The following NTN1 variants were observed in gnomAD, a reference collection of about 807,000 sequenced individuals.
NTN1 encodes the protein netrin-1.
In NTN1, 11 loss-of-function variants were observed where a neutral mutation model predicts 54.2. That is an observed-to-expected ratio of 0.20 (90% CI 0.13 to 0.34). The LOEUF (loss-of-function observed/expected upper bound fraction) is 0.34. Ranked by LOEUF, NTN1 falls within the 10% of genes least tolerant of loss-of-function variation. The pLI is 1.00. For synonymous variants in NTN1, 371 were observed against 382.0 expected (o/e 0.97, Z 0.33); for missense variants, 740 against 893.1 (o/e 0.83, Z 2.18).
At position 9,135,508 on chromosome 17, in the gene NTN1, C is replaced by T. The variant is rs907890816; in HGVS notation, c.1019-27305C>T. ...CTGTCGGGGTCAACCACTTAGTCCT[C>T]TTGACCATGAGACTCTCCTAAGTTC... is the stretch of plus-strand genomic sequence containing the variant. On this transcript the variant is annotated intron_variant, in intron 2 of 6. Coordinates refer to ENST00000173229, the MANE Select transcript of NTN1 (RefSeq NM_004822.3). This position sits in a 1 kb window ranked among gnomAD's most constrained non-coding sequence, Gnocchi z 4.4. 1.3e-5 allele frequency among the ~76,000 whole-genome samples: 2 copies of T among 152,222 alleles called. No homozygotes were observed. Among genetic ancestry groups the T allele is most frequent in the Non-Finnish European group, 2.9e-5 (2 of 68,038 alleles).
intron 5 of NTN1, among the ~76,000 whole-genome samples, chr17:9,191,352 C>G (rs777250434): frequency 6.6e-6 from 1 of 152,064 alleles, no homozygotes; most frequent in Non-Finnish European, 1.5e-5. Flanking sequence ...CCCAGTTACT[C>G]TGGAGGCTGA....
chr17:9,132,336 C>T (rs966417138), intron 2 of NTN1, among the ~76,000 whole-genome samples: 1 of 152,206 alleles, frequency 6.6e-6, no homozygotes, highest in Non-Finnish European at 1.5e-5. Flanking sequence ...GGAATGTCCT[C>T]ACTCCTGACA....
intron 3 of NTN1, 31 bp downstream of exon 3, chr17:9,163,032 G>C: frequency 1.9e-6 from 3 of 1,554,476 alleles, no homozygotes; most frequent in Non-Finnish European, 2.6e-6. Context: ...CGGGGGGCTG[G>C]GGAGACCCGG....
intron 2 of NTN1, among the ~76,000 whole-genome samples, chr17:9,049,339 AAGATGC>A (rs2142197301): frequency 6.6e-6 from 1 of 152,276 alleles, no homozygotes; most frequent in South Asian, 2.1e-4. Context: ...AAGAAACCTA[AAGATGC>A]CACCTGAACC....
intron 5 of NTN1, among the ~76,000 whole-genome samples, chr17:9,192,963 C>T (rs1281602574): frequency 6.6e-6 from 1 of 151,768 alleles, no homozygotes; most frequent in Non-Finnish European, 1.5e-5. Context: ...GCCTGTAGTC[C>T]CAGCTACGCA....
At position 9,188,487 on chromosome 17, in the gene NTN1, AAAC is replaced by A. The variant is rs570768122; in HGVS notation, c.1411+5521_1411+5523del. On this transcript the variant is annotated intron_variant, in intron 5 of 6. Transcript: ENST00000173229. ...ATATTTTGCCACAATTAAAAAATAA[AAAC>A]AAAAAAGTCAAGTGCTTTGGGTCAG... Among the ~76,000 whole-genome samples, 765 of 150,742 alleles carry A rather than the reference AAAC, an allele frequency of 5.1e-3. 15 individuals carry two copies. The highest frequency in any genetic ancestry group is 0.014 in the African/African-American group (591 of 40,908).
chr17:9,081,654 C>G (rs2092071666), intron 2 of NTN1, among the ~76,000 whole-genome samples: 1 of 152,178 alleles, frequency 6.6e-6, no homozygotes, highest in African/African-American at 2.4e-5. Flanking sequence ...GAGCTCTGGC[C>G]TCAGGTGGGC....
At position 9,223,556 on chromosome 17, in the gene NTN1, C is replaced by CAAAAAAAAAA. The variant is rs369166076; in HGVS notation, c.1486+2322_1486+2323insAAAAAAAAAA. On this transcript the variant is annotated intron_variant, in intron 6 of 6. Coordinates refer to ENST00000173229, the MANE Select transcript of NTN1 (RefSeq NM_004822.3). ...TGGGCGACAGAGTGAGACTCTGTCT[C>CAAAAAAAAAA]AAAAAAAAGAAAGAAAGGAGCTCAT... is the stretch of plus-strand genomic sequence containing the variant. Among the ~76,000 whole-genome samples, 172 of 149,146 alleles carry CAAAAAAAAAA rather than the reference C, an allele frequency of 1.2e-3. 1 individual carries two copies. Among genetic ancestry groups the CAAAAAAAAAA allele is most frequent in the African/African-American group, 2.3e-3 (95 of 40,434 alleles).
In NTN1 at chr17:9,211,180, C is replaced by T. The variant is rs978848036; in HGVS notation, c.1412-9988C>T. On this transcript the variant is annotated intron_variant, in intron 5 of 6. Transcript: ENST00000173229. The surrounding 1 kb of genome is among the most constrained non-coding windows in gnomAD (Gnocchi z 4.4). The stretch of plus-strand genomic sequence containing the variant: ...TAAGCCTCATCTCTGGCTGTGCAAA[C>T]CCCAGCTTTTGCCAGCTCCAGTCTC... 5.9e-5 allele frequency among the ~76,000 whole-genome samples: 9 copies of T among 152,130 alleles called. No homozygotes were observed. Among genetic ancestry groups the T allele is most frequent in the African/African-American group, 2.2e-4 (9 of 41,420 alleles).
the NTN1 span, among the ~76,000 whole-genome samples, chr17:9,004,170 C>T: frequency 6.6e-6 from 1 of 152,230 alleles, no homozygotes; most frequent in Admixed American, 6.5e-5. Flanking sequence ...CGGGAGCGTC[C>T]GTCCAAAACC....
chr17:9,047,001 C>T (rs567349135), intron 2 of NTN1, among the ~76,000 whole-genome samples: 24 of 152,256 alleles, frequency 1.6e-4, no homozygotes, highest in South Asian at 4.1e-4. Flanking sequence ...GTTATGTTTA[C>T]GCTATACTGT....
intron 2 of NTN1, among the ~76,000 whole-genome samples, chr17:9,047,133 T>G (rs2091943715): frequency 1.3e-5 from 2 of 152,222 alleles, no homozygotes; most frequent in Admixed American, 6.5e-5. Context: ...ATCTTGTCAC[T>G]GTTGGAGGGC....
the NTN1 span, among the ~76,000 whole-genome samples, chr17:9,008,236 G>T: frequency 7.3e-4 from 111 of 152,154 alleles, no homozygotes; most frequent in African/African-American, 2.3e-3. Context: ...TGTTTGCCCT[G>T]TAGTAAGCTT....
chr17:9,145,111 C>G (rs950167282), intron 2 of NTN1, among the ~76,000 whole-genome samples: 1 of 152,208 alleles, frequency 6.6e-6, no homozygotes, highest in Non-Finnish European at 1.5e-5. Flanking sequence ...GGGAAATTTA[C>G]TGCACAATAA....
chr17:9,028,957 A>C (rs535179207), intron 2 of NTN1, among the ~76,000 whole-genome samples: 1 of 151,900 alleles, frequency 6.6e-6, no homozygotes, highest in Non-Finnish European at 1.5e-5. Flanking sequence ...TCCTTTCAGA[A>C]GGTGTTAATC....
intron 5 of NTN1, among the ~76,000 whole-genome samples, chr17:9,217,997 T>G (rs879822894): frequency 3.9e-5 from 6 of 152,136 alleles, no homozygotes; most frequent in Admixed American, 3.3e-4. Flanking sequence ...GGATCTTTCC[T>G]CTGCCACACT....
upstream of NTN1, among the ~76,000 whole-genome samples, chr17:9,020,291 C>T (rs1234083302): frequency 6.6e-6 from 1 of 152,258 alleles, no homozygotes; most frequent in Non-Finnish European, 1.5e-5. Context: ...AACAAATAAA[C>T]GAGCAGAGAT....
chr17:9,179,207 C>T (rs1196091299), intron 3 of NTN1: 1 of 152,278 alleles, frequency 6.6e-6, no homozygotes, highest in African/African-American at 2.4e-5. Context: ...TCTAGTGCTA[C>T]AGTTTATGGG....
the NTN1 span, among the ~76,000 whole-genome samples, chr17:9,007,610 CTTCT>C: frequency 1.5e-5 from 2 of 130,980 alleles, no homozygotes; most frequent in Admixed American, 8.7e-5. Flanking sequence ...TCCTTCCTTC[CTTCT>C]CCTTCCTTCC....
Sources: gnomAD v4.1 joint callset for allele counts (sites outside exome capture counted in the v4.1 genomes callset) on GRCh38, gnomAD v4.1.1 for gene constraint, Gnocchi (gnomAD v3.1) non-coding constraint, MANE v1.5 for transcripts, NCBI Gene and HGNC (gene_info 2026-07-23, HGNC 2026-07-21) for gene names.